The following TFIP11 variants were observed in gnomAD, a reference collection of about 807,000 sequenced individuals.
TFIP11 encodes the protein tuftelin interacting protein 11.
Under a neutral mutation model 96.8 loss-of-function variants are expected in TFIP11, and 86 were observed. That is an observed-to-expected ratio of 0.89 (90% confidence interval 0.75 to 1.06). TFIP11 has a LOEUF of 1.06. TFIP11 is among the 50% of genes least tolerant of loss of function. The pLI, the probability that TFIP11 is intolerant of heterozygous loss-of-function variation, is 0.00. For synonymous variants in TFIP11, 405 were observed against 395.2 expected (o/e 1.02, Z -0.29); for missense variants, 881 against 1,076.7 (o/e 0.82, Z 2.54).
chr22:26,511,686 G>A (rs1355469219), intron 2 of TFIP11: 4 of 152,178 alleles, frequency 2.6e-5, no homozygotes, highest in African/African-American at 9.7e-5. Context: ...TTCTTGTCTT[G>A]CTGAAAGCGG....
rs776737812 is a variant in TFIP11, at chr22:26,496,098, C to T, written c.1824G>A (p.Met608Ile). ...CCAGCTTGGGCACTATGTTTTTGAC[C>T]ATGAATGCTTCCCAGGAGCCAGGAG... ...VFTPGSWEAF[M>I]VKNIVPKLGM... Residue 608 changes from methionine to isoleucine, a missense_variant, in exon 12 of 15, where the codon ATG (methionine) becomes ATA (isoleucine). Physicochemically the swap from Met to Ile is conservative, Grantham distance 10. Coordinates refer to ENST00000407690, the MANE Select transcript of TFIP11 (RefSeq NM_012143.4). 2.5e-6 allele frequency: 4 copies of T among 1,613,732 alleles called. No homozygotes were observed. In the Admixed American group the frequency reaches 6.7e-5, roughly 27 times the overall value.
intron 11 of TFIP11, among the ~76,000 whole-genome samples, 179 bp from the exon 12 acceptor site, chr22:26,496,495 C>A (rs78619894): frequency 2.0e-5 from 3 of 152,252 alleles, no homozygotes; most frequent in Non-Finnish European, 4.4e-5. Flanking sequence ...AGAAACAGCA[C>A]AATTCTAATT....
At chr22:26,498,011 G>A (rs373397818) in intron 10 of TFIP11, among the ~76,000 whole-genome samples, 1 of 147,422 alleles carries the variant, frequency 6.8e-6, no homozygotes, top group South Asian at 2.1e-4. Context: ...AGAAACTGTG[G>A]TATAAATATA....
At chr22:26,503,301 T>G (rs758819000) in intron 7 of TFIP11, among the ~76,000 whole-genome samples, 12 of 152,240 alleles carry the variant, frequency 7.9e-5, no homozygotes, top group Non-Finnish European at 1.0e-4. Context: ...CTCAGTGTCC[T>G]CTGGCTTGTC....
chr22:26,509,040 A>G (rs1425678157), intron 4 of TFIP11, among the ~76,000 whole-genome samples: 3 of 152,118 alleles, frequency 2.0e-5, no homozygotes, highest in African/African-American at 7.2e-5. Context: ...ATCCTAGACC[A>G]GTCCTCCACT....
At chr22:26,503,817 A>AG (rs1923092269) in intron 6 of TFIP11, 24 bp from the exon 7 acceptor site, 4 of 1,610,364 alleles carry the variant, frequency 2.5e-6, no homozygotes, top group Non-Finnish European at 2.5e-6. Context: ...GCAAAAAAAA[A>AG]AGAGAGTCTT....
intron 10 of TFIP11, 181 bp downstream of exon 10, chr22:26,498,688 C>A: frequency 3.5e-6 from 2 of 568,644 alleles, no homozygotes; most frequent in Non-Finnish European, 3.1e-6. Flanking sequence ...GGAAATAAAA[C>A]ATTTCAAAAA....
At position 26,507,579 on chromosome 22, in the gene TFIP11, A is replaced by G. The variant is rs537109405; in HGVS notation, c.210-651T>C. Among the ~76,000 whole-genome samples, 4 of 151,468 alleles carry G rather than the reference A, an allele frequency of 2.6e-5. No homozygotes were observed. In the South Asian group the frequency reaches 8.3e-4, roughly 32 times the overall value. ...CAGGAAGTTGAAGCTGCGGTGAACT[A>G]TAATCATGTCACTGCACCCCAGCCT... On this transcript the variant is annotated intron_variant, in intron 4 of 14. Coordinates refer to ENST00000407690, the MANE Select transcript of TFIP11 (RefSeq NM_012143.4).
intron 12 of TFIP11, 81 bp downstream of exon 12, chr22:26,495,992 T>C (rs1921974466): frequency 6.5e-7 from 1 of 1,540,378 alleles, no homozygotes; most frequent in African/African-American, 1.4e-5. Context: ...ATAAAGGCGA[T>C]GCTTTAAATC....
In TFIP11 at chr22:26,496,745, G is replaced by A. The variant is rs755041091; in HGVS notation, c.1581C>T (p.Leu527=). The change falls in exon 11 of 15, where the codon CTC becomes CTT. Residue 527 remains leucine, a synonymous_variant. Transcript: ENST00000407690. ...CCTCCTTTTGCAGCTTGGGGAAGAT[G>A]AGTTGGTCCAGTATGTTATCTAAGA... ...VWILDNILDQ[L]IFPKLQKEVE... 6.8e-6 allele frequency: 11 copies of A among 1,612,740 alleles called. No individual in the cohort carries two copies. The South Asian group carries it at 1.1e-4, about 16-fold the overall frequency.
Position 26,491,374 on chromosome 22 carries a change from G to C in TFIP11, c.*639C>G. On this transcript the variant is annotated 3_prime_UTR_variant, in exon 15 of 15. Transcript: ENST00000407690. ...TGTTATTTTTTTAAAAAGTAAAGTG[G>C]GGATGACAAGTAAAGTGGAAATTTA... The C allele has an allele frequency of 1.9e-6, 2 of 1,045,130 alleles. No homozygotes were observed. The highest frequency in any genetic ancestry group is 2.9e-6 in the Non-Finnish European group (2 of 701,118). 64.7% of individuals were successfully genotyped at this position (1,045,130 alleles called of 1,614,324 possible).
intron 6 of TFIP11, among the ~76,000 whole-genome samples, chr22:26,505,733 T>C (rs540669737): frequency 3.9e-4 from 46 of 116,604 alleles, no homozygotes; most frequent in East Asian, 2.4e-3. Context: ...TTTATTTATT[T>C]ATTCAGGGAT....
At chr22:26,501,096 C>T (rs977067225) in intron 8 of TFIP11, among the ~76,000 whole-genome samples, 24 of 151,874 alleles carry the variant, frequency 1.6e-4, no homozygotes, top group East Asian at 1.4e-3. Context: ...TGTTACAGGA[C>T]GGTCTCGATC....
chr22:26,495,867 T>TAA (rs1195314218), intron 12 of TFIP11, among the ~76,000 whole-genome samples: 1 of 152,128 alleles, frequency 6.6e-6, no homozygotes, highest in African/African-American at 2.4e-5. Flanking sequence ...CGACTATTAG[T>TAA]GACTGTTGTA....
At chr22:26,495,591 CATAT>C (rs1325113426) in intron 12 of TFIP11, among the ~76,000 whole-genome samples, 1 of 45,350 alleles carries the variant, frequency 2.2e-5, no homozygotes, top group African/African-American at 5.4e-5. Flanking sequence ...TGTGTGTATA[CATAT>C]ATACATATAT....
At chr22:26,496,349 G>T in intron 11 of TFIP11, 33 bp from the exon 12 acceptor site, 1 of 1,561,248 alleles carries the variant, frequency 6.4e-7, no homozygotes, top group Non-Finnish European at 8.7e-7. Context: ...AGTTCATGTC[G>T]CCTGTGGGGC....
chr22:26,492,108 T>A lies in TFIP11; in HGVS notation c.2419A>T (p.Ile807Phe). 6.2e-7 allele frequency: 1 copy of A among 1,614,168 alleles called. No homozygotes were observed. The highest frequency in any genetic ancestry group is 8.5e-7 in the Non-Finnish European group (1 of 1,180,016). The change falls in exon 15 of 15, where the codon ATT (isoleucine) becomes TTT (phenylalanine). Residue 807 changes from isoleucine (I) to phenylalanine (F), a missense_variant. Coordinates refer to ENST00000407690, the MANE Select transcript of TFIP11 (RefSeq NM_012143.4). Reference sequence around the variant, plus strand: ...ACTCCCCGGTCGATGTAGATCACAATGCGGCCAAAGGTGTAGAGCTGCTTC... The same window carrying A: ...ACTCCCCGGTCGATGTAGATCACAAAGCGGCCAAAGGTGTAGAGCTGCTTC... ...EGKQLYTFGR[I>F]VIYIDRGVVF...
At chr22:26,506,656 C>T in intron 5 of TFIP11, 119 bp downstream of exon 5, 1 of 1,416,766 alleles carries the variant, frequency 7.1e-7, no homozygotes, top group South Asian at 1.3e-5. Flanking sequence ...AAACCTGCCA[C>T]CAAAAGGAGA....
intron 14 of TFIP11, 40 bp downstream of exon 14, chr22:26,494,099 A>G: frequency 6.2e-7 from 1 of 1,606,472 alleles, no homozygotes; most frequent in South Asian, 1.1e-5. Context: ...AAAATCTGAA[A>G]CTTGGGGCCA....
Sources: gnomAD v4.1 joint callset for allele counts (sites outside exome capture counted in the v4.1 genomes callset) on GRCh38, gnomAD v4.1.1 for gene constraint, MANE v1.5 for transcripts, NCBI Gene and HGNC (gene_info 2026-07-23, HGNC 2026-07-21) for gene names.